TDP1: variants seen among roughly 807,000 people sequenced by gnomAD.
TDP1 encodes the protein tyrosyl-DNA phosphodiesterase 1.
TDP1 carries 64 observed loss-of-function variants against 81.5 expected under a neutral mutation model. The observed-to-expected ratio is 0.79, with a 90% CI of 0.64 to 0.97. The LOEUF is 0.97. Among genes scored for constraint, TDP1 ranks in the 50% least tolerant of loss-of-function variants. The pLI is 0.00. For synonymous variants in TDP1, 256 were observed against 264.3 expected, an observed-to-expected ratio of 0.97 and a Z score of 0.30; for missense variants, 723 against 743.8, an observed-to-expected ratio of 0.97 and a Z score of 0.33.
At chr14:89,964,246 A>T (rs1417703524) in intron 3 of TDP1, among the ~76,000 whole-genome samples, 1 of 152,220 alleles carries the variant, frequency 6.6e-6, no homozygotes, top group African/African-American at 2.4e-5. Context: ...GTGCAAATAG[A>T]TGTTTCAGTT....
At position 90,026,979 on chromosome 14, in the gene TDP1, A is replaced by G. The variant is rs181454256; in HGVS notation, c.1645-6127A>G. 6.4e-3 allele frequency among the ~76,000 whole-genome samples: 977 copies of G among 152,284 alleles called. 6 individuals carry two copies. The highest frequency in any genetic ancestry group is 0.02 in the Middle Eastern group (6 of 294). ...CAATCCTTTGGGTATATACCCAGTA[A>G]TGGGTTGGCTGGGTCAAATGATATT... is the stretch of plus-strand genomic sequence containing the variant. On this transcript the variant is annotated intron_variant, in intron 15 of 16. Transcript: ENST00000335725.
chr14:89,970,601 T>C (rs1893507654), intron 5 of TDP1, among the ~76,000 whole-genome samples: 2 of 152,120 alleles, frequency 1.3e-5, no homozygotes. Context: ...AAGAAGATAA[T>C]TATTCAAGGA....
rs1888584797 is a variant in TDP1, at chr14:90,043,825, T to C, written c.*682T>C. On this transcript the variant is annotated 3_prime_UTR_variant, in exon 17 of 17. Coordinates refer to ENST00000335725, the MANE Select transcript of TDP1 (RefSeq NM_018319.4). The stretch of plus-strand genomic sequence containing the variant: ...GCTGTCAGCTGTTGGGAATTGAAGA[T>C]TGACTTTGTGCTTCCACCCTCCATC... 2 of 152,462 alleles carry C rather than the reference T, an allele frequency of 1.3e-5. No homozygotes were observed. Among genetic ancestry groups the C allele is most frequent in the Admixed American group, 6.5e-5 (1 of 15,304 alleles). The allele number at this position is 152,462 out of a possible 1,614,324, so 9.4% of individuals were successfully genotyped here.
rs1157936057 is a variant in TDP1, at chr14:90,043,888, G to A, written c.*745G>A. On this transcript the variant is annotated 3_prime_UTR_variant, in exon 17 of 17. Coordinates refer to ENST00000335725, the MANE Select transcript of TDP1 (RefSeq NM_018319.4). ...CTTCATTCCACCAGAACTTTACCCA[G>A]GAAGAACACGATCATTTCCTTTTTC... is the stretch of plus-strand genomic sequence containing the variant. 3 of 152,274 alleles carry A rather than the reference G, an allele frequency of 2.0e-5. No homozygotes were observed. Among genetic ancestry groups the A allele is most frequent in the Non-Finnish European group, 4.4e-5 (3 of 68,120 alleles). 9.4% of individuals were successfully genotyped at this position (152,274 alleles called of 1,614,324 possible).
At chr14:90,014,183 T>C (rs1885045985) in intron 14 of TDP1, among the ~76,000 whole-genome samples, 1 of 152,226 alleles carries the variant, frequency 6.6e-6, no homozygotes, top group Non-Finnish European at 1.5e-5. Context: ...GCTAATAATC[T>C]AAATAGGATA....
chr14:90,005,240 A>G (rs1897557927), intron 14 of TDP1, among the ~76,000 whole-genome samples: 1 of 152,150 alleles, frequency 6.6e-6, no homozygotes, highest in Non-Finnish European at 1.5e-5. Context: ...GGGCTAAATC[A>G]GTGGATTTTA....
intron 14 of TDP1, among the ~76,000 whole-genome samples, chr14:90,013,706 C>T (rs1037110894): frequency 1.3e-5 from 2 of 152,178 alleles, no homozygotes; most frequent in African/African-American, 4.8e-5. Context: ...TGAATTGTAG[C>T]TCCCATAATT....
chr14:90,005,885 CT>C (rs971912770), intron 14 of TDP1, among the ~76,000 whole-genome samples: 5 of 152,124 alleles, frequency 3.3e-5, no homozygotes, highest in African/African-American at 1.2e-4. Context: ...TTGAAAAGCA[CT>C]TTTTTTATCC....
At chr14:89,972,330 A>C (rs934840900) in intron 6 of TDP1, among the ~76,000 whole-genome samples, 1 of 152,140 alleles carries the variant, frequency 6.6e-6, no homozygotes, top group Non-Finnish European at 1.5e-5. Flanking sequence ...AAACAACCAG[A>C]TATCATGAGA....
rs929462829 is a variant in TDP1 at position 89,993,555 on chromosome 14, A to C, written c.1541+72A>C. ...TCATAATTCTTGCTCTGAATGTTGA[A>C]TGGGTTTCTAAAAAGTGATTAGTGA... On this transcript the variant is annotated intron_variant, in intron 14 of 16. Transcript: ENST00000335725. 3.2e-6 allele frequency: 5 copies of C among 1,568,500 alleles called. No homozygotes were observed. The South Asian group carries it at 5.8e-5, about 18-fold the overall frequency.
chr14:90,039,685 AAAG>A (rs985429643), intron 16 of TDP1, among the ~76,000 whole-genome samples: 4 of 151,462 alleles, frequency 2.6e-5, no homozygotes, highest in African/African-American at 9.8e-5. Flanking sequence ...AAAAAAAAAA[AAAG>A]AAACTGTTAA....
intron 14 of TDP1, among the ~76,000 whole-genome samples, chr14:90,003,099 A>G (rs1222159642): frequency 6.6e-6 from 1 of 151,974 alleles, no homozygotes; most frequent in Non-Finnish European, 1.5e-5. Flanking sequence ...CACCATGCCC[A>G]GCTAATTTTT....
At chr14:90,042,937 T>G in intron 16 of TDP1, 133 bp from the exon 17 acceptor site, 1 of 1,547,150 alleles carries the variant, frequency 6.5e-7, no homozygotes, top group Non-Finnish European at 8.7e-7. Context: ...GGGGAGAATC[T>G]TCTGGGCTTG....
intron 7 of TDP1, among the ~76,000 whole-genome samples, chr14:89,979,711 C>T (rs369686858): frequency 1.3e-5 from 2 of 152,140 alleles, no homozygotes; most frequent in East Asian, 1.9e-4. Flanking sequence ...AATGGCTTAC[C>T]TAGGGTCAAA....
intron 14 of TDP1, among the ~76,000 whole-genome samples, chr14:89,996,295 C>A (rs1227296815): frequency 2.6e-5 from 4 of 152,170 alleles, no homozygotes; most frequent in Non-Finnish European, 4.4e-5. Flanking sequence ...CCCAGCCACA[C>A]CATTTTCACC....
intron 15 of TDP1, among the ~76,000 whole-genome samples, chr14:90,024,516 C>G (rs756036063): frequency 1.3e-5 from 2 of 152,166 alleles, no homozygotes; most frequent in Non-Finnish European, 2.9e-5. Flanking sequence ...TTAAGTTGAT[C>G]CATACCGAAC....
chr14:89,981,376 C>CT, intron 8 of TDP1: 1 of 426,298 alleles, frequency 2.3e-6, no homozygotes, highest in Admixed American at 2.6e-5. Context: ...GAGGGGTTTG[C>CT]TTTTTAAAAG....
chr14:89,991,909 T>C lies in TDP1; in HGVS notation c.1367-8T>C. 1 of 1,605,870 alleles carries C rather than the reference T, an allele frequency of 6.2e-7. No individual in the cohort carries two copies. The highest frequency in any genetic ancestry group is 8.5e-7 in the Non-Finnish European group (1 of 1,177,324). ...ATAATTTTTATTGTTTTATTTTTCT[T>C]TTAAAAGCTGGGGGCTCTCTTCCCT... On this transcript the variant is annotated splice_region_variant and splice_polypyrimidine_tract_variant and intron_variant, in intron 12 of 16. Transcript: ENST00000335725.
At chr14:90,007,405 A>G (rs770170860) in intron 14 of TDP1, among the ~76,000 whole-genome samples, 6 of 152,150 alleles carry the variant, frequency 3.9e-5, no homozygotes, top group African/African-American at 1.4e-4. Flanking sequence ...CCTGGGCAAC[A>G]TGGTGAAACC....
Sources: gnomAD v4.1 joint callset for allele counts (sites outside exome capture counted in the v4.1 genomes callset) on GRCh38, gnomAD v4.1.1 for gene constraint, MANE v1.5 for transcripts, NCBI Gene and HGNC (gene_info 2026-07-23, HGNC 2026-07-21) for gene names.